The following IER2 variants were observed in gnomAD, a reference collection of about 807,000 sequenced individuals.
The protein encoded by IER2 is immediate early response gene 2 protein.
For synonymous variants in IER2, 198 were observed against 149.6 expected (o/e 1.32, Z -2.36); for missense variants, 372 against 325.4 (o/e 1.14, Z -1.10).
At position 13,153,475 on chromosome 19, in the gene IER2, G is replaced by A; in HGVS notation, c.289G>A (p.Asp97Asn). 6.3e-7 allele frequency: 1 copy of A among 1,592,434 alleles called. No individual in the cohort carries two copies. Reference sequence around the variant, plus strand: ...TGAGCACCCGTTTCCGGAGCCAATGGACACGCAGGAGGCGCCGACAGCCGA... The same window carrying A: ...TGAGCACCCGTTTCCGGAGCCAATGAACACGCAGGAGGCGCCGACAGCCGA... ...DGEHPFPEPM[D>N]TQEAPTAEET... Residue 97 changes from aspartate (D) to asparagine (N), a missense_variant, in exon 2 of 2, where the codon GAC (aspartate) becomes AAC (asparagine). Asp to Asn is a conservative substitution (Grantham distance 23). Coordinates refer to ENST00000292433, the MANE Select transcript of IER2 (RefSeq NM_004907.3).
chr19:13,153,491 C>A lies in IER2; in HGVS notation c.305C>A (p.Pro102Gln). ...FPEPMDTQEAPTAEETSACCA... is the reference protein window; with the variant it reads ...FPEPMDTQEAQTAEETSACCA... ...GAGCCAATGGACACGCAGGAGGCGC[C>A]GACAGCCGAGGAGACCTCCGCCTGC... The change falls in exon 2 of 2, where the codon CCG (proline) becomes CAG (glutamine). Residue 102 changes from proline (P) to glutamine (Q), a missense_variant. Physicochemically the swap from Pro to Gln is moderately conservative, Grantham distance 76. Transcript: ENST00000292433. 6.3e-7 allele frequency: 1 copy of A among 1,586,674 alleles called. No homozygotes were observed. Among genetic ancestry groups the A allele is most frequent in the Non-Finnish European group, 8.6e-7 (1 of 1,167,754 alleles).
At chr19:13,151,773 G>A (rs984536791) in intron 1 of IER2, among the ~76,000 whole-genome samples, 5 of 151,050 alleles carry the variant, frequency 3.3e-5, no homozygotes, top group African/African-American at 1.2e-4. Context: ...GAGGGGCGTG[G>A]CCGGAGCGCA....
chr19:13,152,090 G>A (rs180881877), intron 1 of IER2: 1 of 152,290 alleles, frequency 6.6e-6, no homozygotes, highest in African/African-American at 2.4e-5. Flanking sequence ...TTGGAGAGAC[G>A]GCGCGTAGCG....
chr19:13,154,192 TG>T lies in IER2; in HGVS notation c.*335del, dbSNP rs1216600539. 3 of 344,142 alleles carry T rather than the reference TG, an allele frequency of 8.7e-6. No homozygotes were observed. Among genetic ancestry groups the T allele is most frequent in the African/African-American group, 6.4e-5 (3 of 46,654 alleles). The allele number at this position is 344,142 out of a possible 1,614,324, so 21.3% of individuals were successfully genotyped here. ...TGGGAGAAGGGAGGCTTGGGTGTTG[TG>T]TTTTTTGTTTTGTTTGTTTGTTTGT... On this transcript the variant is annotated 3_prime_UTR_variant, in exon 2 of 2. Coordinates refer to ENST00000292433, the MANE Select transcript of IER2 (RefSeq NM_004907.3).
intron 1 of IER2, among the ~76,000 whole-genome samples, chr19:13,151,766 GGGCGTGGCCGGAGCGCAAA>G (rs1881283060): frequency 6.6e-6 from 1 of 151,758 alleles, no homozygotes; most frequent in Non-Finnish European, 1.5e-5. Context: ...GGATGGGGAG[GGGCGTGGCCGGAGCGCAAA>G]GCCCCGCCCC....
chr19:13,153,125 G>C lies in IER2; in HGVS notation c.-62G>C. The C allele has an allele frequency of 7.8e-7, 1 of 1,280,548 alleles. No individual in the cohort carries two copies. The highest frequency in any genetic ancestry group is 1.1e-6 in the Non-Finnish European group (1 of 949,828). The allele number at this position is 1,280,548 out of a possible 1,614,324, so 79.3% of individuals were successfully genotyped here. Reference sequence around the variant, plus strand: ...GGCGTGAGCGAGCCCGTTGTCCGGAGTGCACCTGCTGCCTGTTCTGTCCCT... The same window carrying C: ...GGCGTGAGCGAGCCCGTTGTCCGGACTGCACCTGCTGCCTGTTCTGTCCCT... On this transcript the variant is annotated 5_prime_UTR_variant, in exon 2 of 2. Transcript: ENST00000292433.
rs533715904 is a variant in IER2, at chr19:13,153,812, C to A, written c.626C>A (p.Ala209Glu). ...ACEAKPACRP[A>E]DSMLNVLVRA... ...GAGGCAAAGCCCGCTTGCCGCCCGG[C>A]GGACAGCATGCTCAACGTGCTCGTG... The change falls in exon 2 of 2, where the codon GCG becomes GAG. Residue 209 changes from alanine to glutamate, a missense_variant. Physicochemically the swap from Ala to Glu is moderately radical, Grantham distance 107. Transcript: ENST00000292433. The A allele has an allele frequency of 2.0e-6, 3 of 1,498,964 alleles. No individual in the cohort carries two copies. Among genetic ancestry groups the A allele is most frequent in the Admixed American group, 4.6e-5 (2 of 43,838 alleles). The allele number at this position is 1,498,964 out of a possible 1,614,324, so 92.9% of individuals were successfully genotyped here. A position where few individuals can be genotyped will look rare whatever the true frequency, so the allele number is the denominator to read the frequency against.
At position 13,154,597 on chromosome 19, in the gene IER2, A is replaced by G. The variant is rs1002639729; in HGVS notation, c.*739A>G. The G allele has an allele frequency of 1.2e-5, 2 of 167,220 alleles. No homozygotes were observed. Among genetic ancestry groups the G allele is most frequent in the African/African-American group, 4.8e-5 (2 of 41,442 alleles). 10.4% of individuals were successfully genotyped at this position (167,220 alleles called of 1,614,324 possible). A position where few individuals can be genotyped will look rare whatever the true frequency, so the allele number is the denominator to read the frequency against. On this transcript the variant is annotated 3_prime_UTR_variant, in exon 2 of 2. Coordinates refer to ENST00000292433, the MANE Select transcript of IER2 (RefSeq NM_004907.3). Reference sequence around the variant, plus strand: ...TTCTCAAGTTTTTCTCATCTGCATTAGAGGTGCCCAGTAGGTTCCCAGGTT... The same window carrying G: ...TTCTCAAGTTTTTCTCATCTGCATTGGAGGTGCCCAGTAGGTTCCCAGGTT...
At position 13,150,804 on chromosome 19, in the gene IER2, C is replaced by A. The variant is rs925918523; in HGVS notation, c.-244+252C>A. Among the ~76,000 whole-genome samples, 6 of 152,182 alleles carry A rather than the reference C, an allele frequency of 3.9e-5. No individual in the cohort carries two copies. Among genetic ancestry groups the A allele is most frequent in the Non-Finnish European group, 4.4e-5 (3 of 68,034 alleles). On this transcript the variant is annotated intron_variant, in intron 1 of 1. Coordinates refer to ENST00000292433, the MANE Select transcript of IER2 (RefSeq NM_004907.3). The surrounding 1 kb of genome is among the most constrained non-coding windows in gnomAD (Gnocchi z 4.0). ...CTGCCGCATTCTCCCAATCTCTTTC[C>A]TGAGAAGTGGCGGAGTTGGGGGCAC...
chr19:13,150,421 T>C lies in IER2; in HGVS notation c.-375T>C. On this transcript the variant is annotated 5_prime_UTR_variant, in exon 1 of 2. Coordinates refer to ENST00000292433, the MANE Select transcript of IER2 (RefSeq NM_004907.3). The surrounding 1 kb of genome is among the most constrained non-coding windows in gnomAD (Gnocchi z 4.0). ...ATGCCCCCGCCCCTTAGCCCTCTCG[T>C]GCCGCACCGTAGGGGGCGGTGTCGG... 2.1e-6 allele frequency: 1 copy of C among 486,928 alleles called. No homozygotes were observed. Among genetic ancestry groups the C allele is most frequent in the South Asian group, 2.5e-5 (1 of 39,316 alleles). 30.2% of individuals were successfully genotyped at this position (486,928 alleles called of 1,614,324 possible).
chr19:13,151,491 G>C (rs962080321), intron 1 of IER2, among the ~76,000 whole-genome samples: 1 of 151,308 alleles, frequency 6.6e-6, no homozygotes, highest in African/African-American at 2.4e-5. Flanking sequence ...CCTTGTATGG[G>C]GGAAATAATT....
At chr19:13,151,610 G>GC (rs1220855267) in intron 1 of IER2, among the ~76,000 whole-genome samples, 1 of 152,116 alleles carries the variant, frequency 6.6e-6, no homozygotes, top group Non-Finnish European at 1.5e-5. Context: ...CCCTCAGGTC[G>GC]CCCCTACCCG....
rs567356468 is a variant in IER2 at position 13,153,941 on chromosome 19, C to A, written c.*83C>A. The A allele has an allele frequency of 4.0e-6, 5 of 1,239,896 alleles. No homozygotes were observed. Among genetic ancestry groups the A allele is most frequent in the East Asian group, 6.1e-5 (2 of 32,744 alleles). The allele number at this position is 1,239,896 out of a possible 1,614,324, so 76.8% of individuals were successfully genotyped here. Reference sequence around the variant, plus strand: ...CGCAGACCTGAGGCGAGGCCACCCCCCTCCATCCTGGGGGAAGCGCCCGCG... The same window carrying A: ...CGCAGACCTGAGGCGAGGCCACCCCACTCCATCCTGGGGGAAGCGCCCGCG... On this transcript the variant is annotated 3_prime_UTR_variant, in exon 2 of 2. Coordinates refer to ENST00000292433, the MANE Select transcript of IER2 (RefSeq NM_004907.3).
In IER2 at chr19:13,153,228, G is replaced by T; in HGVS notation, c.42G>T (p.Ser14=). Residue 14 remains serine, a synonymous_variant, in exon 2 of 2, where the codon TCG becomes TCT. Transcript: ENST00000292433. The part of the protein sequence containing the change: ...QKEAQRIMTL[S]VWKMYHSRMQ... ...AGGCACAGCGCATCATGACCCTGTC[G>T]GTGTGGAAGATGTATCACTCCCGCA... The T allele has an allele frequency of 6.5e-7, 1 of 1,539,938 alleles. No individual in the cohort carries two copies.
chr19:13,153,696 C>T lies in IER2; in HGVS notation c.510C>T (p.Ala170=), dbSNP rs1354463017. The stretch of plus-strand genomic sequence containing the variant: ...CCCCTCCGGCGCAAGCGGAGGGCGC[C>T]TTTCCCAACCTGGCCCGCGTCCTGC... The part of the protein sequence containing the change: ...LQPPPAQAEG[A]FPNLARVLQR... The change falls in exon 2 of 2, where the codon GCC becomes GCT. Residue 170 remains alanine (A), a synonymous_variant. Coordinates refer to ENST00000292433, the MANE Select transcript of IER2 (RefSeq NM_004907.3). 3 of 1,611,082 alleles carry T rather than the reference C, an allele frequency of 1.9e-6. No homozygotes were observed. The highest frequency in any genetic ancestry group is 2.5e-6 in the Non-Finnish European group (3 of 1,179,758).
rs2020087698 is a variant in IER2 at position 13,153,259 on chromosome 19, C to T, written c.73C>T (p.Arg25Cys). 6.3e-7 allele frequency: 1 copy of T among 1,589,826 alleles called. No homozygotes were observed. Among genetic ancestry groups the T allele is most frequent in the Non-Finnish European group, 8.6e-7 (1 of 1,168,200 alleles). ...VWKMYHSRMQ[R>C]GGLRLHRSLQ... ...GAAGATGTATCACTCCCGCATGCAG[C>T]GCGGTGGCCTGCGGCTGCACCGGAG... Residue 25 changes from arginine to cysteine, a missense_variant, in exon 2 of 2, where the codon CGC becomes TGC. By Grantham distance (180) the Arg-to-Cys change is radical (BLOSUM62 -3). Coordinates refer to ENST00000292433, the MANE Select transcript of IER2 (RefSeq NM_004907.3).
rs985088180 is a variant in IER2 at position 13,153,528 on chromosome 19, C to T, written c.342C>T (p.Arg114=). 24 of 1,584,704 alleles carry T rather than the reference C, an allele frequency of 1.5e-5. No individual in the cohort carries two copies. In the Admixed American group the frequency reaches 3.6e-4, roughly 24 times the overall value. Residue 114 remains arginine, a synonymous_variant, in exon 2 of 2, where the codon CGC becomes CGT. Transcript: ENST00000292433. ...AEETSACCAP[R]PAKVSRKRRS... ...AGACCTCCGCCTGCTGTGCCCCGCG[C>T]CCCGCCAAAGTCAGCCGCAAACGAC...
Position 13,150,415 on chromosome 19 carries a change from C to G in IER2, c.-381C>G. Reference sequence around the variant, plus strand: ...GTGCACATGCCCCCGCCCCTTAGCCCTCTCGTGCCGCACCGTAGGGGGCGG... The same window carrying G: ...GTGCACATGCCCCCGCCCCTTAGCCGTCTCGTGCCGCACCGTAGGGGGCGG... On this transcript the variant is annotated 5_prime_UTR_variant, in exon 1 of 2. Coordinates refer to ENST00000292433, the MANE Select transcript of IER2 (RefSeq NM_004907.3). The surrounding 1 kb of genome is among the most constrained non-coding windows in gnomAD (Gnocchi z 4.0). The G allele has an allele frequency of 4.0e-6, 2 of 502,830 alleles. No individual in the cohort carries two copies. Among genetic ancestry groups the G allele is most frequent in the South Asian group, 2.4e-5 (1 of 40,890 alleles). 31.1% of individuals were successfully genotyped at this position (502,830 alleles called of 1,614,324 possible). A position where few individuals can be genotyped will look rare whatever the true frequency, so the allele number is the denominator to read the frequency against.
At position 13,153,872 on chromosome 19, in the gene IER2, C is replaced by G; in HGVS notation, c.*14C>G. 7.1e-7 allele frequency: 1 copy of G among 1,407,252 alleles called. No homozygotes were observed. 87.2% of individuals were successfully genotyped at this position (1,407,252 alleles called of 1,614,324 possible). A position where few individuals can be genotyped will look rare whatever the true frequency, so the allele number is the denominator to read the frequency against. ...GTGGCCTTCTGAGGACCCCGAGCGG[C>G]GCTGCCGGAGCCCAGAGCGCGCGTC... is the stretch of plus-strand genomic sequence containing the variant. On this transcript the variant is annotated 3_prime_UTR_variant, in exon 2 of 2. Transcript: ENST00000292433.
Sources: gnomAD v4.1 joint callset for allele counts (sites outside exome capture counted in the v4.1 genomes callset) on GRCh38, gnomAD v4.1.1 for gene constraint, Gnocchi (gnomAD v3.1) non-coding constraint, MANE v1.5 for transcripts, NCBI Gene and HGNC (gene_info 2026-07-23, HGNC 2026-07-21) for gene names.